ST3GAL3: variants seen among roughly 807,000 people sequenced by gnomAD.
ST3GAL3 encodes the protein CMP-N-acetylneuraminate-beta-1,4-galactoside alpha-2,3-sialyltransferase.
A neutral mutation model predicts 50.1 loss-of-function variants in ST3GAL3; 21 were observed. That is an observed-to-expected ratio of 0.42 (90% confidence interval 0.30 to 0.60). ST3GAL3 has a LOEUF of 0.60. Among genes scored for constraint, ST3GAL3 ranks in the 20% least tolerant of loss-of-function variants. The pLI is 0.19. For synonymous variants in ST3GAL3, 183 were observed against 190.0 expected, an observed-to-expected ratio of 0.96 and a Z score of 0.30; for missense variants, 353 against 489.4, an observed-to-expected ratio of 0.72 and a Z score of 2.63.
At position 43,860,948 on chromosome 1, in the gene ST3GAL3, G is replaced by A. The variant is rs1447588200; in HGVS notation, c.302+22637G>A. ...TTAGACTGTCATCTGTTGGCACTGC[G>A]GTGAGGCTGGTCGGAGGACGAGGGG... On this transcript the variant is annotated intron_variant, in intron 5 of 11. Transcript: ENST00000347631. 1.6e-4 allele frequency among the ~76,000 whole-genome samples: 25 copies of A among 152,158 alleles called. 1 individual carries two copies. Among genetic ancestry groups the A allele is most frequent in the South Asian group, 2.1e-4 (1 of 4,828 alleles).
chr1:43,806,481 G>T (rs2059901497), intron 3 of ST3GAL3, among the ~76,000 whole-genome samples: 1 of 152,120 alleles, frequency 6.6e-6, no homozygotes, highest in Non-Finnish European at 1.5e-5. Flanking sequence ...GTAGAAATGA[G>T]AGACATTAGT....
intron 2 of ST3GAL3, chr1:43,771,991 T>C (rs2154133422): frequency 2.5e-6 from 1 of 398,006 alleles, no homozygotes; most frequent in Admixed American, 4.4e-5. Context: ...ATATGAGAAG[T>C]CAACTGACTT....
intron 1 of ST3GAL3, chr1:43,707,936 C>G (rs1662269541): frequency 6.6e-6 from 1 of 152,390 alleles, no homozygotes; most frequent in Non-Finnish European, 1.5e-5. Context: ...GCCGGCCGGA[C>G]GCAGGCCAGG....
At chr1:43,850,270 C>T (rs1313456443) in intron 5 of ST3GAL3, 3 of 469,674 alleles carry the variant, frequency 6.4e-6, no homozygotes, top group Non-Finnish European at 1.2e-5. Context: ...TCTGTGGCAC[C>T]AGGTGCATCC....
chr1:43,880,089 C>T (rs976769476), intron 5 of ST3GAL3, among the ~76,000 whole-genome samples: 3 of 152,226 alleles, frequency 2.0e-5, no homozygotes, highest in African/African-American at 7.2e-5. Context: ...ATGGTGGAGG[C>T]TGTCACCCCA....
chr1:43,929,460 C>A (rs1571712603), intron 11 of ST3GAL3, among the ~76,000 whole-genome samples: 1 of 152,128 alleles, frequency 6.6e-6, no homozygotes, highest in African/African-American at 2.4e-5. Context: ...GCTACCATCA[C>A]ACCCAGCTAA....
intron 11 of ST3GAL3, among the ~76,000 whole-genome samples, chr1:43,925,315 T>C (rs1353374089): frequency 3.2e-5 from 2 of 61,896 alleles, no homozygotes; most frequent in Non-Finnish European, 4.5e-5. Context: ...AAAAAAAGAG[T>C]GTAGCTTCTC....
chr1:43,902,964 C>T (rs573720196), intron 9 of ST3GAL3, among the ~76,000 whole-genome samples: 5 of 152,270 alleles, frequency 3.3e-5, no homozygotes, highest in Admixed American at 2.0e-4. Flanking sequence ...AGTGTGGAGG[C>T]TGCTATGATG....
chr1:43,778,659 T>C (rs1490111565), intron 2 of ST3GAL3, among the ~76,000 whole-genome samples: 2 of 145,878 alleles, frequency 1.4e-5, no homozygotes, highest in Non-Finnish European at 3.0e-5. Context: ...TTTTTTTTTT[T>C]TTTTGAGACG....
At chr1:43,745,220 A>G (rs1224719135) in intron 2 of ST3GAL3, among the ~76,000 whole-genome samples, 1 of 152,220 alleles carries the variant, frequency 6.6e-6, no homozygotes, top group Non-Finnish European at 1.5e-5. Context: ...AGCAAAAATA[A>G]TAACCCAGTA....
At chr1:43,851,225 T>C (rs892359463) in intron 5 of ST3GAL3, 6 of 1,554,922 alleles carry the variant, frequency 3.9e-6, no homozygotes, top group South Asian at 1.1e-5. Flanking sequence ...GTTCACCTTA[T>C]AGGGCATAGA....
intron 2 of ST3GAL3, chr1:43,772,369 A>G (rs780541119): frequency 4.2e-5 from 9 of 216,448 alleles, no homozygotes; most frequent in Admixed American, 5.8e-5. Flanking sequence ...TTTTAATCCT[A>G]TATGTATATT....
In ST3GAL3 at chr1:43,920,506, A is replaced by G; in HGVS notation, c.847A>G (p.Thr283Ala). The stretch of plus-strand genomic sequence containing the variant: ...ATATTTCATCCAGGAGGCCGCCTTC[A>G]CCCTCATTGGCCTGCCCTTCAACAA... ...NPYFIQEAAF[T>A]LIGLPFNNGL... Residue 283 changes from threonine (T) to alanine (A), a missense_variant, in exon 10 of 12, where the codon ACC becomes GCC. Transcript: ENST00000347631. 6.2e-7 allele frequency: 1 copy of G among 1,613,824 alleles called. No homozygotes were observed. Among genetic ancestry groups the G allele is most frequent in the South Asian group, 1.1e-5 (1 of 91,076 alleles).
chr1:43,807,236 G>A (rs1363099448), intron 3 of ST3GAL3, among the ~76,000 whole-genome samples: 1 of 151,858 alleles, frequency 6.6e-6, no homozygotes, highest in Non-Finnish European at 1.5e-5. Context: ...GGCAAACATG[G>A]TGAAACCCCA....
At chr1:43,718,672 G>T in intron 1 of ST3GAL3, among the ~76,000 whole-genome samples, 2 of 128,458 alleles carry the variant, frequency 1.6e-5, no homozygotes, top group African/African-American at 2.9e-5. Flanking sequence ...TTATCCTTCT[G>T]CTACATCTTT....
chr1:43,920,567 C>G lies in ST3GAL3; in HGVS notation c.891+17C>G. 2 of 1,612,834 alleles carry G rather than the reference C, an allele frequency of 1.2e-6. No homozygotes were observed. Among genetic ancestry groups the G allele is most frequent in the Non-Finnish European group, 1.7e-6 (2 of 1,179,052 alleles). ...GGCCGGGGGGTGAGATATCTGGGCC[C>G]TGGGAGAGGGAGGAGGAAAGCTGGG... On this transcript the variant is annotated intron_variant, in intron 10 of 11. Transcript: ENST00000347631.
intron 5 of ST3GAL3, among the ~76,000 whole-genome samples, chr1:43,843,948 T>C (rs913199876): frequency 1.3e-5 from 2 of 152,228 alleles, no homozygotes; most frequent in African/African-American, 4.8e-5. Flanking sequence ...TTGTTACCTA[T>C]ACATCTCGCC....
intron 5 of ST3GAL3, among the ~76,000 whole-genome samples, chr1:43,891,200 T>C (rs1355919417): frequency 2.0e-5 from 3 of 152,188 alleles, no homozygotes; most frequent in African/African-American, 4.8e-5. Context: ...CAAAGATTAC[T>C]AGGATGTGTG....
intron 5 of ST3GAL3, among the ~76,000 whole-genome samples, chr1:43,874,866 A>G (rs1197109031): frequency 6.6e-6 from 1 of 152,188 alleles, no homozygotes; most frequent in Non-Finnish European, 1.5e-5. Context: ...AAGAGAAAGT[A>G]TGAGTAGTCA....
Sources: allele counts gnomAD v4.1 joint callset (sites outside exome capture counted in the v4.1 genomes callset), GRCh38; gene constraint gnomAD v4.1.1; transcripts MANE v1.5; gene names NCBI Gene and HGNC (gene_info 2026-07-23, HGNC 2026-07-21).